PCGF5: variants seen among roughly 807,000 people sequenced by gnomAD.
PCGF5 encodes the protein polycomb group ring finger 5, also known as polycomb group RING finger protein 5.
In PCGF5, 9 loss-of-function variants were observed where a neutral mutation model predicts 44.3. The observed-to-expected ratio is 0.20, with a 90% CI of 0.12 to 0.35. The LOEUF is 0.35. Among genes scored for constraint, PCGF5 ranks in the 10% least tolerant of loss-of-function variants. PCGF5 has a pLI of 1.00. For synonymous variants in PCGF5, 95 were observed against 102.5 expected (o/e 0.93, Z 0.44); for missense variants, 146 against 305.3 (o/e 0.48, Z 3.89).
intron 8 of PCGF5, 125 bp from the exon 9 acceptor site, chr10:91,271,513 A>C: frequency 1.5e-6 from 1 of 660,520 alleles, no homozygotes; most frequent in Non-Finnish European, 2.4e-6. Flanking sequence ...TTTTTTTGGA[A>C]AGTGTTTATT....
chr10:91,226,598 C>G (rs992805215), intron 2 of PCGF5, among the ~76,000 whole-genome samples: 2 of 152,156 alleles, frequency 1.3e-5, no homozygotes, highest in African/African-American at 4.8e-5. Context: ...TCAACTCTTT[C>G]TCACCTCAAA....
intron 3 of PCGF5, among the ~76,000 whole-genome samples, chr10:91,245,124 G>A (rs1486219550): frequency 6.6e-6 from 1 of 152,138 alleles, no homozygotes. Context: ...TGTTCAGAGA[G>A]AAGAGGAGGA....
rs1242488158 is a variant in PCGF5 at position 91,270,336 on chromosome 10, A to G, written c.664-1302A>G. Among the ~76,000 whole-genome samples, 3 of 152,178 alleles carry G rather than the reference A, an allele frequency of 2.0e-5. No homozygotes were observed. The East Asian group carries it at 5.8e-4, about 29-fold the overall frequency. The stretch of plus-strand genomic sequence containing the variant: ...ATTTGCATTAGTAGGCAATTGTAAG[A>G]AAAGCAAGTATATACATCTTGACTG... On this transcript the variant is annotated intron_variant, in intron 8 of 9. Coordinates refer to ENST00000336126, the MANE Select transcript of PCGF5 (RefSeq NM_032373.5).
At chr10:91,171,660 A>G (rs897087879) in intron 1 of PCGF5, among the ~76,000 whole-genome samples, 4 of 152,280 alleles carry the variant, frequency 2.6e-5, no homozygotes, top group Non-Finnish European at 4.4e-5. Flanking sequence ...AGAGTGTGTA[A>G]TGGCTGATTC....
At chr10:91,236,504 C>G (rs1451365265) in intron 2 of PCGF5, among the ~76,000 whole-genome samples, 2 of 152,190 alleles carry the variant, frequency 1.3e-5, no homozygotes, top group Non-Finnish European at 2.9e-5. Context: ...AATGAAGACT[C>G]TACTTGGTCT....
intron 1 of PCGF5, among the ~76,000 whole-genome samples, chr10:91,179,414 TG>T (rs1843778011): frequency 6.6e-6 from 1 of 152,166 alleles, no homozygotes; most frequent in Admixed American, 6.5e-5. Context: ...ACTTGTGTCG[TG>T]GGGTTTGTTG....
chr10:91,257,401 T>C (rs921144904), intron 6 of PCGF5, among the ~76,000 whole-genome samples: 1 of 152,136 alleles, frequency 6.6e-6, no homozygotes, highest in Non-Finnish European at 1.5e-5. Context: ...TAGCAGTTCC[T>C]CAAAGAGTTG....
At chr10:91,224,647 A>G (rs1033470600) in intron 2 of PCGF5, among the ~76,000 whole-genome samples, 2 of 152,172 alleles carry the variant, frequency 1.3e-5, no homozygotes, top group African/African-American at 4.8e-5. Context: ...CTCTGTGGAT[A>G]TATGGGAAAG....
chr10:91,189,786 C>T (rs188973423), intron 1 of PCGF5, among the ~76,000 whole-genome samples: 52 of 152,292 alleles, frequency 3.4e-4, no homozygotes, highest in African/African-American at 1.2e-3. Flanking sequence ...AGCATCTGAG[C>T]CAGTATTGAG....
At chr10:91,242,165 G>A (rs1160052768) in intron 3 of PCGF5, among the ~76,000 whole-genome samples, 1 of 149,206 alleles carries the variant, frequency 6.7e-6, no homozygotes, top group Non-Finnish European at 1.5e-5. Flanking sequence ...GATCTGGGTG[G>A]GTGCTCCTGG....
In PCGF5 at chr10:91,195,982, A is replaced by G. The variant is rs146466277; in HGVS notation, c.-183-26707A>G. Among the ~76,000 whole-genome samples the G allele has an allele frequency of 5.2e-3, 778 of 150,546 alleles. 7 individuals carry two copies. The highest frequency in any genetic ancestry group is 0.018 in the African/African-American group (729 of 40,818). Reference sequence around the variant, plus strand: ...AGGACACCCTCCAAGAATGTGCCTTAAAATTGGCTACTAGATAAAATTGGG... The same window carrying G: ...AGGACACCCTCCAAGAATGTGCCTTGAAATTGGCTACTAGATAAAATTGGG... On this transcript the variant is annotated intron_variant, in intron 1 of 9. Coordinates refer to the PCGF5 transcript ENST00000614189.
chr10:91,182,127 C>T (rs1843829852), intron 1 of PCGF5, among the ~76,000 whole-genome samples: 1 of 151,864 alleles, frequency 6.6e-6, no homozygotes, highest in Non-Finnish European at 1.5e-5. Flanking sequence ...TCTGTGAGGT[C>T]AGCGGTAATG....
At chr10:91,246,994 GAT>G (rs1845482123) in intron 3 of PCGF5, among the ~76,000 whole-genome samples, 1 of 150,998 alleles carries the variant, frequency 6.6e-6, no homozygotes, top group Non-Finnish European at 1.5e-5. Context: ...TAGATAGATA[GAT>G]AGATAGATAG....
intron 1 of PCGF5, among the ~76,000 whole-genome samples, chr10:91,176,678 T>A (rs1313211770): frequency 1.3e-5 from 2 of 152,238 alleles, no homozygotes; most frequent in Non-Finnish European, 2.9e-5. Context: ...ACTGATACCC[T>A]TTCTTCCAGT....
intron 1 of PCGF5, among the ~76,000 whole-genome samples, chr10:91,186,963 C>T (rs151179849): frequency 4.1e-4 from 63 of 152,304 alleles, no homozygotes; most frequent in Non-Finnish European, 7.9e-4. Context: ...CAGTGATTCT[C>T]ATACTTGAAT....
At chr10:91,242,733 G>T (rs1025859350) in intron 3 of PCGF5, among the ~76,000 whole-genome samples, 1 of 152,044 alleles carries the variant, frequency 6.6e-6, no homozygotes. Flanking sequence ...GTGCATATGT[G>T]TATTGGATGC....
chr10:91,228,392 AG>A (rs1317800513), intron 2 of PCGF5, among the ~76,000 whole-genome samples: 1 of 152,148 alleles, frequency 6.6e-6, no homozygotes, highest in Admixed American at 6.5e-5. Flanking sequence ...AGAAAAAAAA[AG>A]GATGTTTATA....
rs1483483627 is a variant in PCGF5 at position 91,256,506 on chromosome 10, G to A, written c.475-4820G>A. Among the ~76,000 whole-genome samples, 3 of 151,812 alleles carry A rather than the reference G, an allele frequency of 2.0e-5. No homozygotes were observed. The East Asian group carries it at 5.8e-4, about 29-fold the overall frequency. ...AAGTTCCAGAAGGAGAGGAAATGGA[G>A]AAAAAAGGACAGAAAGTATATTTGA... On this transcript the variant is annotated intron_variant, in intron 6 of 9. Transcript: ENST00000336126.
intron 1 of PCGF5, among the ~76,000 whole-genome samples, chr10:91,179,143 T>C (rs1366411340): frequency 1.3e-5 from 2 of 152,122 alleles, no homozygotes; most frequent in Admixed American, 6.5e-5. Context: ...TTTTGTATTA[T>C]TCCCATCCTG....
Sources: allele counts gnomAD v4.1 joint callset (sites outside exome capture counted in the v4.1 genomes callset), GRCh38; gene constraint gnomAD v4.1.1; transcripts MANE v1.5; gene names NCBI Gene and HGNC (gene_info 2026-07-23, HGNC 2026-07-21).